The following SPACA7 variants were observed in gnomAD, a reference collection of about 807,000 sequenced individuals.
SPACA7 encodes the protein sperm acrosome-associated protein 7.
Under a neutral mutation model 26.3 loss-of-function variants are expected in SPACA7, and 19 were observed. The observed-to-expected ratio is 0.72, with a 90% CI of 0.50 to 1.06. The LOEUF (loss-of-function observed/expected upper bound fraction) is 1.06, where lower values mean the gene tolerates loss of function less well. Ranked by LOEUF, SPACA7 falls within the 50% of genes least tolerant of loss-of-function variation. SPACA7 has a pLI of 0.00. For synonymous variants in SPACA7, 84 were observed against 84.5 expected (o/e 0.99, Z 0.04); for missense variants, 211 against 229.9 (o/e 0.92, Z 0.53).
intron 5 of SPACA7, among the ~76,000 whole-genome samples, chr13:112,409,145 G>A (rs1242642399): frequency 6.6e-6 from 1 of 152,204 alleles, no homozygotes; most frequent in Non-Finnish European, 1.5e-5. Flanking sequence ...ATGGTGCTGG[G>A]AAAACTGACT....
rs1884266794 is a variant in SPACA7, at chr13:112,383,139, AAGAAAG to A, written c.94+6662_94+6667del. Among the ~76,000 whole-genome samples, 15 of 52,262 alleles carry A rather than the reference AAGAAAG, an allele frequency of 2.9e-4. 1 individual carries two copies. The highest frequency in any genetic ancestry group is 5.7e-4 in the African/African-American group (6 of 10,454). The allele number at this position is 52,262 out of a possible 152,430, so 34.3% of individuals were successfully genotyped here. On this transcript the variant is annotated intron_variant, in intron 1 of 6. Coordinates refer to ENST00000283550, the MANE Select transcript of SPACA7 (RefSeq NM_145248.5). ...AGAAAAGAAAAGAAAGAAAGAAAGA[AAGAAAG>A]AAAGAAAGAAAGAAAGAAAGAAAGA... is the stretch of plus-strand genomic sequence containing the variant.
intron 1 of SPACA7, among the ~76,000 whole-genome samples, chr13:112,379,063 A>G (rs2138848541): frequency 6.6e-6 from 1 of 152,314 alleles, no homozygotes; most frequent in Middle Eastern, 3.4e-3. Context: ...GAGTTCTTTA[A>G]ATCTGGAAAA....
At chr13:112,388,619 C>T (rs987000419) in intron 1 of SPACA7, among the ~76,000 whole-genome samples, 1 of 152,212 alleles carries the variant, frequency 6.6e-6, no homozygotes, top group Admixed American at 6.5e-5. Context: ...ATTGTACAAG[C>T]CCCCAAATTT....
At chr13:112,378,369 T>C (rs765534019) in intron 1 of SPACA7, among the ~76,000 whole-genome samples, 1 of 152,224 alleles carries the variant, frequency 6.6e-6, no homozygotes, top group Non-Finnish European at 1.5e-5. Flanking sequence ...GGCTCTATGG[T>C]CACCCTCTTT....
Position 112,432,540 on chromosome 13 carries a change from A to G in SPACA7, c.523+19A>G, listed in dbSNP as rs1350469500. ...TCTTCAGGTAGATTGGAAATAATAG[A>G]TAAGTGTCTTCTCATTTGGGGATTC... On this transcript the variant is annotated intron_variant, in intron 6 of 6. Transcript: ENST00000283550. 8 of 1,531,928 alleles carry G rather than the reference A, an allele frequency of 5.2e-6. No individual in the cohort carries two copies. The highest frequency in any genetic ancestry group is 6.3e-6 in the Non-Finnish European group (7 of 1,105,304). The allele number at this position is 1,531,928 out of a possible 1,614,324, so 94.9% of individuals were successfully genotyped here. A position where few individuals can be genotyped will look rare whatever the true frequency, so the allele number is the denominator to read the frequency against.
chr13:112,432,333 G>A lies in SPACA7; in HGVS notation c.446-111G>A, dbSNP rs535804083. On this transcript the variant is annotated intron_variant, in intron 5 of 6. Transcript: ENST00000283550. Reference sequence around the variant, plus strand: ...GCACCTCACCCCGCTTGCTCTGTGCGTGGGTGCTGCTTTGCTCAGCGCTTA... The same window carrying A: ...GCACCTCACCCCGCTTGCTCTGTGCATGGGTGCTGCTTTGCTCAGCGCTTA... The A allele has an allele frequency of 8.2e-5, 66 of 805,626 alleles. 1 individual carries two copies. Among genetic ancestry groups the A allele is most frequent in the East Asian group, 2.5e-4 (10 of 40,704 alleles). 49.9% of individuals were successfully genotyped at this position (805,626 alleles called of 1,614,324 possible). A position where few individuals can be genotyped will look rare whatever the true frequency, so the allele number is the denominator to read the frequency against.
chr13:112,431,246 G>A (rs1231478111), intron 5 of SPACA7, among the ~76,000 whole-genome samples: 1 of 152,234 alleles, frequency 6.6e-6, no homozygotes, highest in Non-Finnish European at 1.5e-5. Context: ...AATGTTTGCA[G>A]ATCCACGTTC....
chr13:112,402,275 T>C (rs1318938768), intron 5 of SPACA7, among the ~76,000 whole-genome samples: 3 of 152,226 alleles, frequency 2.0e-5, no homozygotes, highest in Non-Finnish European at 2.9e-5. Flanking sequence ...AGCTTATTCC[T>C]AAGTATTCAG....
chr13:112,397,679 G>A (rs751646947), intron 2 of SPACA7, among the ~76,000 whole-genome samples: 14 of 152,270 alleles, frequency 9.2e-5, no homozygotes, highest in Non-Finnish European at 1.8e-4. Context: ...CAGGAGCGAC[G>A]CTCACTCACA....
Position 112,432,476 on chromosome 13 carries a change from C to T in SPACA7, c.478C>T (p.Leu160=), listed in dbSNP as rs776764586. 5 of 1,611,456 alleles carry T rather than the reference C, an allele frequency of 3.1e-6. No individual in the cohort carries two copies. The Admixed American group carries it at 8.3e-5, about 27-fold the overall frequency. The change falls in exon 6 of 7, where the codon CTA becomes TTA. Residue 160 remains leucine (L), a synonymous_variant. Transcript: ENST00000283550. The part of the protein sequence containing the change: ...KNSKNTQYEN[L]SILDQILQNI... ...TTCAAAGAACACTCAGTATGAAAAT[C>T]TATCCATTCTGGACCAAATCCTTCA...
intron 5 of SPACA7, among the ~76,000 whole-genome samples, chr13:112,416,796 A>AG (rs1208234453): frequency 7.3e-5 from 9 of 122,796 alleles, no homozygotes; most frequent in African/African-American, 2.6e-4. Flanking sequence ...TACATATATG[A>AG]TTATGAGTTG....
intron 1 of SPACA7, among the ~76,000 whole-genome samples, chr13:112,384,357 A>G (rs1884395599): frequency 6.6e-6 from 1 of 152,044 alleles, no homozygotes; most frequent in African/African-American, 2.4e-5. Context: ...ATACTAAGTT[A>G]TATTAGAATT....
chr13:112,383,146 AAAGAAAGAAAGAAAGAAAG>A (rs1884273148), intron 1 of SPACA7, among the ~76,000 whole-genome samples: 2 of 96,248 alleles, frequency 2.1e-5, no homozygotes, highest in African/African-American at 4.6e-5. Flanking sequence ...AGAAAGAAAG[AAAGAAAGAAAGAAAGAAAG>A]AAAGAAAGAA....
chr13:112,383,117 AAAGAAAAGAAAGAAAGAAAGAAAG>A (rs1884241575), intron 1 of SPACA7, among the ~76,000 whole-genome samples: 2 of 10,170 alleles, frequency 2.0e-4, no homozygotes, highest in Non-Finnish European at 4.5e-4. Context: ...AAAGAAAAGA[AAAGAAAAGAAAGAAAGAAAGAAAG>A]AAAGAAAGAA....
chr13:112,380,206 G>A (rs1413484577), intron 1 of SPACA7, among the ~76,000 whole-genome samples: 3 of 152,098 alleles, frequency 2.0e-5, no homozygotes, highest in African/African-American at 7.2e-5. Flanking sequence ...TCTGATGTCA[G>A]TATTTCAAGA....
chr13:112,420,543 A>T lies in SPACA7; in HGVS notation c.446-11901A>T, dbSNP rs553561889. ...ACTGAAACATAAAGGGAAAAAAAAG[A>T]ATGAAAAAACACCATATTACCAAAG... On this transcript the variant is annotated intron_variant, in intron 5 of 6. Transcript: ENST00000283550. Among the ~76,000 whole-genome samples, 8 of 152,144 alleles carry T rather than the reference A, an allele frequency of 5.3e-5. No homozygotes were observed. In the East Asian group the frequency reaches 1.5e-3, roughly 29 times the overall value.
chr13:112,387,034 A>G (rs1884571534), intron 1 of SPACA7, among the ~76,000 whole-genome samples: 1 of 152,266 alleles, frequency 6.6e-6, no homozygotes, highest in African/African-American at 2.4e-5. Context: ...GAAAGGAATC[A>G]TTACAGAAAC....
intron 6 of SPACA7, among the ~76,000 whole-genome samples, chr13:112,432,764 A>G (rs1057126401): frequency 1.4e-4 from 21 of 152,166 alleles, no homozygotes; most frequent in African/African-American, 4.1e-4. Context: ...AGCTGAATGG[A>G]ACAGGGGACT....
intron 1 of SPACA7, among the ~76,000 whole-genome samples, chr13:112,386,087 G>A (rs1253752415): frequency 6.6e-5 from 10 of 152,214 alleles, no homozygotes; most frequent in East Asian, 1.9e-4. Context: ...AAAGTACTAC[G>A]GGAGAAGACA....
Sources: allele counts gnomAD v4.1 joint callset (sites outside exome capture counted in the v4.1 genomes callset), GRCh38; gene constraint gnomAD v4.1.1; transcripts MANE v1.5; gene names NCBI Gene and HGNC (gene_info 2026-07-23, HGNC 2026-07-21).